Variants in SIPA1L1 observed in about 807,000 individuals in gnomAD.
SIPA1L1 encodes the protein signal-induced proliferation-associated 1-like protein 1.
Under a neutral mutation model 162.7 loss-of-function variants are expected in SIPA1L1, and 26 were observed. That is an observed-to-expected ratio of 0.16 (90% CI 0.12 to 0.22). The LOEUF is 0.22. Among genes scored for constraint, SIPA1L1 ranks in the 10% least tolerant of loss-of-function variants. The pLI is 1.00. For missense variants in SIPA1L1, 1,874 were observed against 2,241.0 expected (o/e 0.84, Z 3.31); for synonymous variants, 829 against 837.4 (o/e 0.99, Z 0.17).
At chr14:71,358,824 A>AAG (rs1279261647) in intron 2 of SIPA1L1, among the ~76,000 whole-genome samples, 1 of 152,064 alleles carries the variant, frequency 6.6e-6, no homozygotes. Context: ...GAGCAGGAGG[A>AAG]AGAGAGAGAG....
intron 2 of SIPA1L1, among the ~76,000 whole-genome samples, chr14:71,384,770 G>A (rs962131014): frequency 2.6e-5 from 4 of 152,090 alleles, no homozygotes; most frequent in Admixed American, 2.0e-4. Flanking sequence ...TCTTAAAACC[G>A]CCAGTAATCT....
At chr14:71,398,434 A>G (rs947441889) in intron 2 of SIPA1L1, 1 of 152,214 alleles carries the variant, frequency 6.6e-6, no homozygotes, top group Non-Finnish European at 1.5e-5. Context: ...TTTCTTTTGC[A>G]TTAATAAATA....
At chr14:71,716,878 G>A (rs1597190012) in intron 17 of SIPA1L1, among the ~76,000 whole-genome samples, 2 of 152,164 alleles carry the variant, frequency 1.3e-5, no homozygotes, top group Admixed American at 1.3e-4. Context: ...ACAGATTCAG[G>A]CTGTCCCAGA....
intron 10 of SIPA1L1, among the ~76,000 whole-genome samples, chr14:71,666,144 A>G (rs144868116): frequency 0.018 from 2,714 of 152,332 alleles, 48 homozygotes; most frequent in Non-Finnish European, 0.026. Flanking sequence ...TCATAATGGA[A>G]GAATACAACC....
chr14:71,608,513 TAAA>T (rs1463508906), intron 5 of SIPA1L1, among the ~76,000 whole-genome samples: 1 of 152,176 alleles, frequency 6.6e-6, no homozygotes, highest in Non-Finnish European at 1.5e-5. Flanking sequence ...ACATTAAAAA[TAAA>T]AAGTTGCATT....
intron 5 of SIPA1L1, among the ~76,000 whole-genome samples, chr14:71,595,033 G>T (rs572248908): frequency 5.9e-5 from 9 of 152,294 alleles, no homozygotes; most frequent in East Asian, 5.8e-4. Flanking sequence ...TGCAAGCGTG[G>T]CTCAGCTGCA....
intron 2 of SIPA1L1, among the ~76,000 whole-genome samples, chr14:71,450,251 G>C (rs892685243): frequency 7.9e-5 from 12 of 151,970 alleles, no homozygotes; most frequent in Admixed American, 7.2e-4. Context: ...TTTCTATTTG[G>C]AGGGCTTACT....
intron 2 of SIPA1L1, among the ~76,000 whole-genome samples, chr14:71,339,133 C>G (rs1351784497): frequency 6.6e-6 from 1 of 152,120 alleles, no homozygotes; most frequent in Non-Finnish European, 1.5e-5. Context: ...GGGAGTAATG[C>G]AGACAGAGAG....
rs762853103 is a variant in SIPA1L1 at position 71,588,208 on chromosome 14, A to G, written c.336A>G (p.Lys112=). 2.5e-5 allele frequency: 40 copies of G among 1,613,996 alleles called. No homozygotes were observed. The highest frequency in any genetic ancestry group is 3.3e-5 in the Non-Finnish European group (39 of 1,179,982). Residue 112 remains lysine, a synonymous_variant, in exon 5 of 24, where the codon AAA becomes AAG. Coordinates refer to ENST00000381232, the MANE Select transcript of SIPA1L1 (RefSeq NM_001386936.1). This position sits in a 1 kb window ranked among gnomAD's most constrained non-coding sequence, Gnocchi z 4.3. ...TSSCLDSLSS[K]SSPVSQGSSV... ...GTTGCCTTGATAGCCTGTCCTCCAAAAGCAGTCCTGTGAGTCAGGGAAGTT... is the reference window on the plus strand; with the variant it reads ...GTTGCCTTGATAGCCTGTCCTCCAAGAGCAGTCCTGTGAGTCAGGGAAGTT...
chr14:71,454,829 G>A (rs886953600), intron 2 of SIPA1L1, among the ~76,000 whole-genome samples: 19 of 152,178 alleles, frequency 1.2e-4, no homozygotes, highest in African/African-American at 4.3e-4. Flanking sequence ...GGCCCTATAA[G>A]CTCTGGCTCT....
At chr14:71,701,693 T>G (rs2082111153) in intron 14 of SIPA1L1, among the ~76,000 whole-genome samples, 1 of 152,240 alleles carries the variant, frequency 6.6e-6, no homozygotes, top group Non-Finnish European at 1.5e-5. Flanking sequence ...AAGCATGTAT[T>G]ATTATTTTAC....
At position 71,671,168 on chromosome 14, in the gene SIPA1L1, C is replaced by T. The variant is rs2044477764; in HGVS notation, c.2305C>T (p.Pro769Ser). 2 of 1,613,532 alleles carry T rather than the reference C, an allele frequency of 1.2e-6. No individual in the cohort carries two copies. Among genetic ancestry groups the T allele is most frequent in the Non-Finnish European group, 1.7e-6 (2 of 1,179,690 alleles). The change falls in exon 11 of 24, where the codon CCT becomes TCT. Residue 769 changes from proline to serine, a missense_variant. Transcript: ENST00000381232. ...TGTGCCTTCCTTTGGGCCTCCCATT[C>T]CTAAAGGGGTCACTTTCCCTAAGTC... ...RDVPSFGPPI[P>S]KGVTFPKSNV...
At chr14:71,632,389 A>T (rs146947321) in intron 7 of SIPA1L1, among the ~76,000 whole-genome samples, 209 of 152,346 alleles carry the variant, frequency 1.4e-3, no homozygotes, top group Non-Finnish European at 2.5e-3. Flanking sequence ...ACCAAAAAAA[A>T]CAAACTTAGA....
chr14:71,371,742 A>G (rs570691317), intron 2 of SIPA1L1, among the ~76,000 whole-genome samples: 46 of 152,166 alleles, frequency 3.0e-4, no homozygotes, highest in Non-Finnish European at 5.3e-4. Flanking sequence ...TTATTTTATT[A>G]TAGGCATAAT....
At chr14:71,672,649 C>A (rs777661811) in intron 12 of SIPA1L1, 27 bp downstream of exon 12, 1 of 1,605,772 alleles carries the variant, frequency 6.2e-7, no homozygotes, top group South Asian at 1.1e-5. Context: ...AGCTGTGGGC[C>A]TGAGACTCGA....
At chr14:71,662,073 C>G (rs1057043228) in intron 10 of SIPA1L1, among the ~76,000 whole-genome samples, 1 of 152,168 alleles carries the variant, frequency 6.6e-6, no homozygotes, top group South Asian at 2.1e-4. Context: ...GTCACGCTAG[C>G]TCGATAGGGG....
At chr14:71,688,187 A>G (rs889008024) in intron 13 of SIPA1L1, among the ~76,000 whole-genome samples, 10 of 152,226 alleles carry the variant, frequency 6.6e-5, no homozygotes, top group Admixed American at 2.0e-4. Context: ...TATAGATTGA[A>G]TATCTTAATC....
Position 71,446,906 on chromosome 14 carries a change from G to GTTTTTTTTTTTTT in SIPA1L1, c.-464-65826_-464-65814dup, listed in dbSNP as rs1189940440. Among the ~76,000 whole-genome samples, 519 of 53,172 alleles carry GTTTTTTTTTTTTT rather than the reference G, an allele frequency of 9.8e-3. 7 individuals are homozygous for GTTTTTTTTTTTTT. The highest frequency in any genetic ancestry group is 0.012 in the Non-Finnish European group (396 of 32,268). The allele number at this position is 53,172 out of a possible 152,430, so 34.9% of individuals were successfully genotyped here. A position where few individuals can be genotyped will look rare whatever the true frequency, so the allele number is the denominator to read the frequency against. On this transcript the variant is annotated intron_variant, in intron 2 of 23. Transcript: ENST00000381232. ...AGAGATGGGCTCTGTTTTTTTTTTT[G>GTTTTTTTTTTTTT]TTTTTTTTTTTTTTTTTTTTTTTGA... is the stretch of plus-strand genomic sequence containing the variant.
chr14:71,671,901 CTG>C (rs34919280), intron 11 of SIPA1L1, among the ~76,000 whole-genome samples: 12,648 of 142,442 alleles, frequency 0.089, 566 homozygotes, highest in African/African-American at 0.11. Context: ...CACATTTACT[CTG>C]TGTGTGTGTG....
Sources: gnomAD v4.1 joint callset for allele counts (sites outside exome capture counted in the v4.1 genomes callset) on GRCh38, gnomAD v4.1.1 for gene constraint, Gnocchi (gnomAD v3.1) non-coding constraint, MANE v1.5 for transcripts, NCBI Gene and HGNC (gene_info 2026-07-23, HGNC 2026-07-21) for gene names.